The following PTPRD variants were observed in gnomAD, a reference collection of about 807,000 sequenced individuals.
The protein encoded by PTPRD is receptor-type tyrosine-protein phosphatase delta.
PTPRD carries 34 observed loss-of-function variants against 214.5 expected under a neutral mutation model. The observed-to-expected ratio is 0.16, with a 90% CI of 0.12 to 0.21. PTPRD has a LOEUF of 0.21. Ranked by LOEUF, PTPRD falls within the 10% of genes least tolerant of loss-of-function variation. The probability of loss-of-function intolerance (pLI) is 1.00; values close to 1 mark genes in which losing one functional copy is unlikely to be tolerated. For synonymous variants in PTPRD, 1,128 were observed against 845.7 expected (o/e 1.33, Z -5.79); for missense variants, 2,545 against 2,398.7 (o/e 1.06, Z -1.27).
intron 3 of PTPRD, among the ~76,000 whole-genome samples, chr9:10,198,390 T>C (rs2099406416): frequency 6.6e-6 from 1 of 152,022 alleles, no homozygotes; most frequent in South Asian, 2.1e-4. Context: ...GAAGATGGAG[T>C]TAGGCAGCAT....
At position 9,386,814 on chromosome 9, in the gene PTPRD, T is replaced by A. The variant is rs2064021350; in HGVS notation, c.-203+10635A>T. On this transcript the variant is annotated intron_variant, in intron 9 of 45. Transcript: ENST00000381196. Reference sequence around the variant, plus strand: ...TATAGTTTATAGGTCTGAGGCTTCATGGACATTTGGATGTACTCTGGTATT... The same window carrying A: ...TATAGTTTATAGGTCTGAGGCTTCAAGGACATTTGGATGTACTCTGGTATT... Among the ~76,000 whole-genome samples, 5 of 152,088 alleles carry A rather than the reference T, an allele frequency of 3.3e-5. No homozygotes were observed. The South Asian group carries it at 1.0e-3, about 32-fold the overall frequency.
At chr9:8,637,040 C>G (rs958476409) in intron 12 of PTPRD, among the ~76,000 whole-genome samples, 196 bp from the exon 13 acceptor site, 2 of 152,116 alleles carry the variant, frequency 1.3e-5, no homozygotes, top group Non-Finnish European at 2.9e-5. Context: ...ACATAACTTT[C>G]TGGTTAAGTT....
chr9:8,557,455 T>TATATATATATGTAC lies in PTPRD; in HGVS notation c.353-28677_353-28676insGTACATATATATAT. 4.4e-5 allele frequency among the ~76,000 whole-genome samples: 6 copies of TATATATATATGTAC among 135,630 alleles called. No homozygotes were observed. The East Asian group carries it at 8.3e-4, about 19-fold the overall frequency. 89.0% of individuals were successfully genotyped at this position (135,630 alleles called of 152,430 possible). On this transcript the variant is annotated intron_variant, in intron 14 of 45. Coordinates refer to ENST00000381196, the MANE Select transcript of PTPRD (RefSeq NM_002839.4). ...AAATACATATATATATATATATATA[T>TATATATATATGTAC]ATTTGGGCCGGGCGCGGTGGCTCAT...
intron 30 of PTPRD, among the ~76,000 whole-genome samples, chr9:8,477,643 C>A (rs985653843): frequency 6.6e-6 from 1 of 152,180 alleles, no homozygotes; most frequent in Non-Finnish European, 1.5e-5. Flanking sequence ...TCCTTAAATT[C>A]TCATGGCAAC....
At chr9:9,961,160 A>G (rs2094337449) in intron 4 of PTPRD, among the ~76,000 whole-genome samples, 1 of 152,176 alleles carries the variant, frequency 6.6e-6, no homozygotes, top group African/African-American at 2.4e-5. Flanking sequence ...ATATGCATAT[A>G]TTTAAAATTT....
At chr9:10,199,709 G>T (rs1156628103) in intron 3 of PTPRD, among the ~76,000 whole-genome samples, 1 of 151,744 alleles carries the variant, frequency 6.6e-6, no homozygotes. Flanking sequence ...AACCAGGAAG[G>T]AGCAAATCTG....
At position 8,465,680 on chromosome 9, in the gene PTPRD, AGG is replaced by A. The variant is rs1245977843; in HGVS notation, c.3505-7_3505-6del. ...CCTAGATATCTCCTTAAGCAGCTTA[AGG>A]AAAAAAGTGGGAAACAGAAAAAGAA... is the stretch of plus-strand genomic sequence containing the variant. On this transcript the variant is annotated splice_polypyrimidine_tract_variant and splice_region_variant and intron_variant, in intron 31 of 45. Transcript: ENST00000381196. 3 of 1,596,122 alleles carry A rather than the reference AGG, an allele frequency of 1.9e-6. No individual in the cohort carries two copies. The highest frequency in any genetic ancestry group is 3.6e-5 in the Admixed American group (2 of 56,232).
At position 8,320,890 on chromosome 9, in the gene PTPRD, A is replaced by T. The variant is rs1173149946; in HGVS notation, c.5535-924T>A. Among the ~76,000 whole-genome samples the T allele has an allele frequency of 2.6e-5, 4 of 152,142 alleles. 1 individual carries two copies. In the South Asian group the frequency reaches 6.2e-4, roughly 24 times the overall value. On this transcript the variant is annotated intron_variant, in intron 44 of 45. Coordinates refer to ENST00000381196, the MANE Select transcript of PTPRD (RefSeq NM_002839.4). ...GAGGGAAACAGTGAATAATCTGAAA[A>T]ATCCCTGCATTTTTGGATCCTAATT...
intron 3 of PTPRD, among the ~76,000 whole-genome samples, chr9:10,123,463 A>G: frequency 6.6e-6 from 1 of 152,200 alleles, no homozygotes; most frequent in East Asian, 1.9e-4. Context: ...ATACAGGAAA[A>G]CCAGTGAAGA....
chr9:8,673,990 A>G lies in PTPRD; in HGVS notation c.65-37146T>C, dbSNP rs552446065. Among the ~76,000 whole-genome samples the G allele has an allele frequency of 1.8e-4, 28 of 152,260 alleles. No homozygotes were observed. In the South Asian group the frequency reaches 5.2e-3, roughly 28 times the overall value. ...CGTTACCAAATATTCCCTGGGAAAC[A>G]ACTTCCCCACCAGGTGGAGACCCAC... On this transcript the variant is annotated intron_variant, in intron 12 of 45. Transcript: ENST00000381196.
At chr9:8,961,752 G>T (rs1284303113) in intron 11 of PTPRD, among the ~76,000 whole-genome samples, 1 of 152,078 alleles carries the variant, frequency 6.6e-6, no homozygotes, top group Non-Finnish European at 1.5e-5. Context: ...TTTTGTCGAT[G>T]TAAAGACATC....
intron 14 of PTPRD, among the ~76,000 whole-genome samples, chr9:8,568,878 C>G (rs372311415): frequency 1.3e-5 from 2 of 151,938 alleles, no homozygotes; most frequent in Non-Finnish European, 2.9e-5. Context: ...TGGTAATACT[C>G]AGTTGCCCAC....
At chr9:10,358,894 T>C (rs2097326879) in intron 2 of PTPRD, among the ~76,000 whole-genome samples, 1 of 152,064 alleles carries the variant, frequency 6.6e-6, no homozygotes, top group African/African-American at 2.4e-5. Context: ...TAAACATGTG[T>C]ATCTTCCATG....
chr9:9,345,876 A>T (rs1412028014), intron 9 of PTPRD, among the ~76,000 whole-genome samples: 1 of 152,216 alleles, frequency 6.6e-6, no homozygotes, highest in Non-Finnish European at 1.5e-5. Context: ...GGTACATAAA[A>T]GCATTATGAA....
intron 3 of PTPRD, among the ~76,000 whole-genome samples, chr9:10,190,011 C>T (rs1261121044): frequency 6.6e-6 from 1 of 152,026 alleles, no homozygotes; most frequent in African/African-American, 2.4e-5. Context: ...ATCCAAAGAC[C>T]AACGACATTC....
At position 9,083,793 on chromosome 9, in the gene PTPRD, T is replaced by C. The variant is rs953219846; in HGVS notation, c.-142-65058A>G. ...AAGACATTTATGCAGCCAAAAAACA[T>C]ATGAAAAAAAGCTCATCATCACTGG... On this transcript the variant is annotated intron_variant, in intron 10 of 45. Coordinates refer to ENST00000381196, the MANE Select transcript of PTPRD (RefSeq NM_002839.4). Among the ~76,000 whole-genome samples the C allele has an allele frequency of 2.6e-5, 4 of 151,992 alleles. 1 individual carries two copies. In the South Asian group the frequency reaches 8.3e-4, roughly 32 times the overall value.
chr9:9,485,379 T>C (rs971011262), intron 8 of PTPRD, among the ~76,000 whole-genome samples: 1 of 152,214 alleles, frequency 6.6e-6, no homozygotes, highest in Non-Finnish European at 1.5e-5. Context: ...ATAATATTCA[T>C]AAATGCAGCT....
chr9:10,360,797 G>A (rs986105057), intron 2 of PTPRD, among the ~76,000 whole-genome samples: 1 of 152,018 alleles, frequency 6.6e-6, no homozygotes. Flanking sequence ...TCTCATTAAA[G>A]GGTCCTGTAA....
intron 7 of PTPRD, among the ~76,000 whole-genome samples, chr9:9,667,630 G>A (rs976766782): frequency 2.0e-5 from 3 of 152,282 alleles, no homozygotes; most frequent in Non-Finnish European, 2.9e-5. Context: ...AGTGCTGACA[G>A]TGATGGCCAA....
Sources: allele counts gnomAD v4.1 joint callset (sites outside exome capture counted in the v4.1 genomes callset), GRCh38; gene constraint gnomAD v4.1.1; transcripts MANE v1.5; gene names NCBI Gene and HGNC (gene_info 2026-07-23, HGNC 2026-07-21).